RBM19: variants seen among roughly 807,000 people sequenced by gnomAD.
The protein encoded by RBM19 is probable RNA-binding protein 19.
A neutral mutation model predicts 116.8 loss-of-function variants in RBM19; 94 were observed. That is an observed-to-expected ratio of 0.80 (90% CI 0.68 to 0.95). RBM19 has a LOEUF of 0.95. RBM19 is among the 40% of genes least tolerant of loss of function. The probability of loss-of-function intolerance (pLI) is 0.00; values close to 1 mark genes in which losing one functional copy is unlikely to be tolerated. For synonymous variants in RBM19, 475 were observed against 494.1 expected (o/e 0.96, Z 0.51); for missense variants, 1,161 against 1,220.7 (o/e 0.95, Z 0.73).
rs200831280 is a variant in RBM19 at position 113,915,119 on chromosome 12, C to T, written c.2442-34G>A. Reference sequence around the variant, plus strand: ...GTGGGGGGAGAGGGTCCAAGTTATTCGGAGCTTCAGCAGCTCCTGCCCAAC... The same window carrying T: ...GTGGGGGGAGAGGGTCCAAGTTATTTGGAGCTTCAGCAGCTCCTGCCCAAC... On this transcript the variant is annotated intron_variant, in intron 20 of 23. Coordinates refer to ENST00000261741, the MANE Select transcript of RBM19 (RefSeq NM_016196.4). 4.5e-5 allele frequency: 70 copies of T among 1,544,194 alleles called. No individual in the cohort carries two copies. In the African/African-American group the frequency reaches 4.6e-4, roughly 10 times the overall value.
chr12:113,832,245 A>C (rs1875490600), intron 23 of RBM19, among the ~76,000 whole-genome samples: 1 of 150,816 alleles, frequency 6.6e-6, no homozygotes, highest in African/African-American at 2.4e-5. Flanking sequence ...GCTGGAGTGC[A>C]GTGGTGTGAT....
intron 21 of RBM19, among the ~76,000 whole-genome samples, chr12:113,889,745 G>T (rs1213059200): frequency 2.0e-5 from 3 of 152,036 alleles, no homozygotes; most frequent in East Asian, 3.9e-4. Flanking sequence ...GAAAGGAAGA[G>T]AATATAAAGC....
At chr12:113,843,495 G>A (rs775849082) in intron 23 of RBM19, among the ~76,000 whole-genome samples, 3 of 152,218 alleles carry the variant, frequency 2.0e-5, no homozygotes, top group Non-Finnish European at 4.4e-5. Flanking sequence ...ACGGAGCCTG[G>A]CTTTTCTGGG....
At position 113,888,142 on chromosome 12, in the gene RBM19, G is replaced by A. The variant is rs77026128; in HGVS notation, c.2558+26827C>T. Among the ~76,000 whole-genome samples the A allele has an allele frequency of 1.1e-3, 165 of 152,294 alleles. 1 individual carries two copies. Among genetic ancestry groups the A allele is most frequent in the African/African-American group, 3.8e-3 (160 of 41,562 alleles). The stretch of plus-strand genomic sequence containing the variant: ...CATCAGAAAGCTGGAGAAAGACAGC[G>A]AGAGAACAGAATGCTGCTCTATTAA... On this transcript the variant is annotated intron_variant, in intron 21 of 23. Transcript: ENST00000261741.
intron 5 of RBM19, 80 bp downstream of exon 5, chr12:113,959,132 C>G (rs1469427140): frequency 3.3e-6 from 5 of 1,514,670 alleles, no homozygotes; most frequent in Non-Finnish European, 4.5e-6. Context: ...AGAGTCTGCA[C>G]AGAGGGGCCC....
chr12:113,893,514 C>T (rs866771362), intron 21 of RBM19, among the ~76,000 whole-genome samples: 63 of 152,174 alleles, frequency 4.1e-4, no homozygotes, highest in African/African-American at 1.4e-3. Context: ...ATAAACACTG[C>T]GGATGTCTTT....
intron 21 of RBM19, among the ~76,000 whole-genome samples, chr12:113,862,053 C>T (rs1222724840): frequency 6.6e-6 from 1 of 152,164 alleles, no homozygotes; most frequent in Non-Finnish European, 1.5e-5. Context: ...AGAACTGAAG[C>T]TTAAGGAGGA....
At chr12:113,950,722 G>A (rs529881881) in intron 8 of RBM19, among the ~76,000 whole-genome samples, 2 of 152,276 alleles carry the variant, frequency 1.3e-5, no homozygotes, top group South Asian at 4.1e-4. Context: ...GAAATACTCC[G>A]AGGGGCACTC....
chr12:113,829,762 A>T (rs999380258), intron 23 of RBM19, among the ~76,000 whole-genome samples: 1 of 152,210 alleles, frequency 6.6e-6, no homozygotes, highest in African/African-American at 2.4e-5. Flanking sequence ...GAGATAAAGC[A>T]TGAGAGCACT....
At chr12:113,908,367 C>T (rs886612310) in intron 21 of RBM19, among the ~76,000 whole-genome samples, 11 of 151,866 alleles carry the variant, frequency 7.2e-5, no homozygotes, top group Non-Finnish European at 1.5e-4. Context: ...CTGTCCTCGG[C>T]CCTCCTTCCA....
At chr12:113,817,948 G>C (rs1232069901), downstream of RBM19, 1 of 152,130 alleles carries the variant, frequency 6.6e-6, no homozygotes, top group African/African-American at 2.4e-5. Context: ...CAAAAAATTA[G>C]CCGGGCGTGG....
In RBM19 at chr12:113,878,671, A is replaced by ACACC. The variant is rs1491206356; in HGVS notation, c.2559-19776_2559-19775insGGTG. Among the ~76,000 whole-genome samples, 391 of 141,994 alleles carry ACACC rather than the reference A, an allele frequency of 2.8e-3. 1 individual carries two copies. The highest frequency in any genetic ancestry group is 7.5e-3 in the African/African-American group (270 of 36,234). The allele number at this position is 141,994 out of a possible 152,430, so 93.2% of individuals were successfully genotyped here. ...CACACACACACACACACACACACAC[A>ACACC]CCCTCACTCAGCAAACGTCCCATAG... On this transcript the variant is annotated intron_variant, in intron 21 of 23. Transcript: ENST00000261741.
chr12:113,826,572 A>G (rs576888908), intron 23 of RBM19, among the ~76,000 whole-genome samples: 1 of 152,322 alleles, frequency 6.6e-6, no homozygotes, highest in African/African-American at 2.4e-5. Flanking sequence ...TGGGTCGGGC[A>G]TGGTGGGGAA....
intron 1 of RBM19, 90 bp downstream of exon 1, chr12:113,966,102 A>T (rs1054124025): frequency 1.4e-4 from 210 of 1,554,600 alleles, no homozygotes; most frequent in Non-Finnish European, 1.8e-4. Flanking sequence ...CAGAGCAAAA[A>T]TTCTTCGATC....
chr12:113,926,067 G>A (rs1363157461), intron 17 of RBM19, among the ~76,000 whole-genome samples: 1 of 152,120 alleles, frequency 6.6e-6, no homozygotes, highest in African/African-American at 2.4e-5. Flanking sequence ...TATCTCTGCT[G>A]TTGGGGCTGC....
intron 8 of RBM19, among the ~76,000 whole-genome samples, chr12:113,951,981 T>C (rs1871509720): frequency 6.6e-6 from 1 of 152,160 alleles, no homozygotes; most frequent in Non-Finnish European, 1.5e-5. Flanking sequence ...CAGCAAGAAG[T>C]AGGCACGGAC....
chr12:113,849,981 C>G (rs771686877), intron 22 of RBM19, among the ~76,000 whole-genome samples: 6 of 152,158 alleles, frequency 3.9e-5, no homozygotes, highest in Non-Finnish European at 5.9e-5. Flanking sequence ...TGCTGCGTAC[C>G]TCCCCCTCCC....
chr12:113,921,079 G>C (rs889322106), intron 18 of RBM19, among the ~76,000 whole-genome samples: 140 of 152,202 alleles, frequency 9.2e-4, no homozygotes, highest in Non-Finnish European at 1.2e-3. Context: ...ATGTGCGTGA[G>C]AGTCAAACGC....
Position 113,957,798 on chromosome 12 carries a change from G to C in RBM19, c.824C>G (p.Pro275Arg), listed in dbSNP as rs540220341. The C allele has an allele frequency of 8.1e-6, 13 of 1,598,976 alleles. No homozygotes were observed. Among genetic ancestry groups the C allele is most frequent in the African/African-American group, 1.3e-5 (1 of 74,436 alleles). ...QGMPAGKKRP[P>R]EARAETEKPA... The stretch of plus-strand genomic sequence containing the variant: ...CACACGCACCTCGGCTCTGGCCTCC[G>C]GTGGTCTCTTTTTCCCAGCTGGCAT... The change falls in exon 6 of 24, where the codon CCG becomes CGG. Residue 275 changes from proline to arginine, a missense_variant. Pro to Arg is a moderately radical substitution (Grantham distance 103, BLOSUM62 -2). Coordinates refer to ENST00000261741, the MANE Select transcript of RBM19 (RefSeq NM_016196.4).
Sources: allele counts gnomAD v4.1 joint callset (sites outside exome capture counted in the v4.1 genomes callset), GRCh38; gene constraint gnomAD v4.1.1; transcripts MANE v1.5; gene names NCBI Gene and HGNC (gene_info 2026-07-23, HGNC 2026-07-21).